UPRT: variants seen among roughly 807,000 people sequenced by gnomAD.
UPRT encodes uracil phosphoribosyltransferase homolog, also known as RP11-311P8.3.
Under a neutral mutation model 22.6 loss-of-function variants are expected in UPRT, and 5 were observed. That is an observed-to-expected ratio of 0.22 (90% CI 0.12 to 0.47). The LOEUF (loss-of-function observed/expected upper bound fraction) is 0.47, where lower values mean the gene tolerates loss of function less well. Ranked by LOEUF, UPRT falls within the 20% of genes least tolerant of loss-of-function variation. The probability of loss-of-function intolerance (pLI) is 0.99; values close to 1 mark genes in which losing one functional copy is unlikely to be tolerated. For missense variants in UPRT, 181 were observed against 239.9 expected, an observed-to-expected ratio of 0.75 and a Z score of 1.62; for synonymous variants, 77 against 87.7, an observed-to-expected ratio of 0.88 and a Z score of 0.68.
chrX:75,178,933 G>A (rs768962836), intron 4 of UPRT, among the ~76,000 whole-genome samples: 163 of 111,905 alleles, frequency 1.5e-3, no homozygotes, highest in Non-Finnish European at 2.7e-3. Flanking sequence ...CTGCTGATTG[G>A]TAGAGCCAAG....
rs2147682473 is a variant in UPRT, at chrX:75,274,332, C to T, written c.78C>T (p.Pro26=). Residue 26 remains proline (P), a synonymous_variant, in exon 1 of 7, where the codon CCC becomes CCT. Transcript: ENST00000373383. ...QQVNSASTPS[P]EQLRPGDLIL... ...TAAACTCTGCCTCAACCCCAAGTCC[C>T]GAGCAGCTGCGACCTGGCGATCTGA... The T allele has an allele frequency of 8.3e-7, 1 of 1,211,562 alleles. No homozygotes were observed. Among genetic ancestry groups the T allele is most frequent in the Non-Finnish European group, 1.1e-6 (1 of 895,446 alleles).
intron 4 of UPRT, among the ~76,000 whole-genome samples, chrX:75,170,840 A>G: frequency 9.0e-6 from 1 of 111,481 alleles, no homozygotes; most frequent in East Asian, 2.8e-4. Context: ...TATGATGCTT[A>G]GTTTTGCTGC....
chrX:75,257,648 T>A (rs765860890), intron 4 of UPRT, among the ~76,000 whole-genome samples: 2 of 111,869 alleles, frequency 1.8e-5, no homozygotes, highest in East Asian at 5.6e-4. Context: ...CTAGAACTGA[T>A]AAAAGAATTC....
At chrX:75,203,263 A>T (rs1234720131) in intron 4 of UPRT, among the ~76,000 whole-genome samples, 7 of 111,233 alleles carry the variant, frequency 6.3e-5, no homozygotes, top group African/African-American at 2.3e-4. Flanking sequence ...TAAATATATA[A>T]ACACCCAATA....
At chrX:75,290,633 A>T (rs1252940408) in intron 1 of UPRT, among the ~76,000 whole-genome samples, 1 of 112,015 alleles carries the variant, frequency 8.9e-6, no homozygotes, top group Non-Finnish European at 1.9e-5. Flanking sequence ...GAATGAAATC[A>T]TGTCCTTTGC....
At chrX:75,289,611 C>CG (rs1181229559) in intron 1 of UPRT, among the ~76,000 whole-genome samples, 7 of 111,423 alleles carry the variant, frequency 6.3e-5, no homozygotes, top group African/African-American at 2.3e-4. Context: ...AAAAAACAGA[C>CG]ACACAGACTG....
At chrX:75,276,491 G>C (rs1280461487) in intron 1 of UPRT, among the ~76,000 whole-genome samples, 1 of 111,396 alleles carries the variant, frequency 9.0e-6, no homozygotes, top group Non-Finnish European at 1.9e-5. Context: ...TAAAAAATAG[G>C]AGGCATAGGT....
intron 4 of UPRT, among the ~76,000 whole-genome samples, chrX:75,216,353 A>G (rs1421736992): frequency 8.9e-6 from 1 of 111,986 alleles, no homozygotes; most frequent in East Asian, 2.8e-4. Context: ...ATAGAAGGGA[A>G]CTTCTTCAAC....
At chrX:75,266,914 C>T (rs894813643) in intron 4 of UPRT, among the ~76,000 whole-genome samples, 8 of 111,034 alleles carry the variant, frequency 7.2e-5, no homozygotes, top group South Asian at 3.8e-4. Flanking sequence ...GTTAGAATGG[C>T]GATCATTAAA....
chrX:75,158,496 C>T (rs1270051309), intron 1 of UPRT, among the ~76,000 whole-genome samples: 1 of 111,575 alleles, frequency 9.0e-6, no homozygotes, highest in African/African-American at 3.3e-5. Context: ...TATTAATATG[C>T]CCATATTTAT....
chrX:75,205,992 T>G (rs977379266), intron 4 of UPRT, among the ~76,000 whole-genome samples: 1 of 111,387 alleles, frequency 9.0e-6, no homozygotes, highest in Non-Finnish European at 1.9e-5. Flanking sequence ...TAAGGAGAGT[T>G]TGGTTAGTTG....
chrX:75,257,812 G>A (rs1054681115), intron 4 of UPRT, among the ~76,000 whole-genome samples: 7 of 111,059 alleles, frequency 6.3e-5, no homozygotes, highest in African/African-American at 2.3e-4. Flanking sequence ...GGCCAAATAG[G>A]AGCAGCTCCA....
intron 4 of UPRT, among the ~76,000 whole-genome samples, chrX:75,222,638 A>G (rs959379638): frequency 2.7e-5 from 3 of 111,127 alleles, no homozygotes; most frequent in Non-Finnish European, 5.7e-5. Context: ...CATGGGGAAC[A>G]CTGCCAGGCT....
intron 1 of UPRT, among the ~76,000 whole-genome samples, chrX:75,156,893 A>G (rs992648226): frequency 1.8e-5 from 1 of 54,528 alleles, no homozygotes; most frequent in African/African-American, 5.1e-5. Flanking sequence ...TGCTCGTGGG[A>G]CAGTCTCACA....
intron 4 of UPRT, among the ~76,000 whole-genome samples, chrX:75,246,954 C>T (rs1471608192): frequency 1.8e-5 from 2 of 111,827 alleles, no homozygotes; most frequent in African/African-American, 6.5e-5. Context: ...ACTTTATAGA[C>T]AGGGAAAGTG....
chrX:75,184,741 A>G lies in UPRT; in HGVS notation c.-447+16862A>G, dbSNP rs1013841766. Among the ~76,000 whole-genome samples, 4 of 109,894 alleles carry G rather than the reference A, an allele frequency of 3.6e-5. No individual in the cohort carries two copies. In the South Asian group the frequency reaches 1.2e-3, roughly 33 times the overall value. On this transcript the variant is annotated intron_variant, in intron 4 of 13. Coordinates refer to the UPRT transcript ENST00000652605. ...AGTTATCCTTGAAGAGGTCCTTCAC[A>G]TCCCTTGTAAGTTGGATTCCTAGGT...
At chrX:75,233,086 C>T (rs945096788) in intron 4 of UPRT, among the ~76,000 whole-genome samples, 3 of 111,270 alleles carry the variant, frequency 2.7e-5, no homozygotes, top group Non-Finnish European at 5.7e-5. Context: ...CAGAGAAATG[C>T]TTAAAGGAGC....
At chrX:75,159,739 A>G (rs972230047) in intron 1 of UPRT, among the ~76,000 whole-genome samples, 4 of 108,431 alleles carry the variant, frequency 3.7e-5, no homozygotes, top group Non-Finnish European at 7.7e-5. Context: ...CAGCTTAGTC[A>G]TAGCTTAAGA....
intron 4 of UPRT, among the ~76,000 whole-genome samples, chrX:75,263,015 C>T (rs774177947): frequency 1.8e-5 from 2 of 111,494 alleles, no homozygotes; most frequent in Non-Finnish European, 3.8e-5. Flanking sequence ...CTTCTCTGCA[C>T]CTCATCGCAC....
Sources: allele counts gnomAD v4.1 joint callset (sites outside exome capture counted in the v4.1 genomes callset), GRCh38; gene constraint gnomAD v4.1.1; transcripts MANE v1.5; gene names NCBI Gene and HGNC (gene_info 2026-07-23, HGNC 2026-07-21).